Variants in TMEM196 observed in about 807,000 individuals in gnomAD.
TMEM196 encodes transmembrane protein 196.
In TMEM196, 17 loss-of-function variants were observed where a neutral mutation model predicts 20.0. The observed-to-expected ratio is 0.85, with a 90% CI of 0.58 to 1.27. The LOEUF is 1.27. Ranked by LOEUF, TMEM196 falls within the 50% of genes most tolerant of loss-of-function variation. The pLI is 0.00. For synonymous variants in TMEM196, 113 were observed against 88.9 expected (o/e 1.27, Z -1.52); for missense variants, 267 against 223.0 (o/e 1.20, Z -1.26).
intron 1 of TMEM196, among the ~76,000 whole-genome samples, chr7:19,743,273 T>C (rs1784639575): frequency 6.6e-6 from 1 of 152,200 alleles, no homozygotes; most frequent in Non-Finnish European, 1.5e-5. Flanking sequence ...CCCTAAGGAA[T>C]GAGAGAATGG....
chr7:19,759,176 C>T (rs1226502064), intron 1 of TMEM196, among the ~76,000 whole-genome samples: 1 of 152,148 alleles, frequency 6.6e-6, no homozygotes, highest in Non-Finnish European at 1.5e-5. Flanking sequence ...TCTCAATTCT[C>T]ATTATATTTT....
At chr7:19,766,255 T>C (rs1459015087) in intron 1 of TMEM196, among the ~76,000 whole-genome samples, 1 of 152,178 alleles carries the variant, frequency 6.6e-6, no homozygotes, top group Non-Finnish European at 1.5e-5. Flanking sequence ...TCTGCAGTTA[T>C]AAGGACTGCA....
In TMEM196 at chr7:19,766,516, G is replaced by GTATA. The variant is rs1427737754; in HGVS notation, c.147+6033_147+6034insTATA. Among the ~76,000 whole-genome samples the GTATA allele has an allele frequency of 2.1e-3, 324 of 150,720 alleles. 2 individuals are homozygous for GTATA. Among genetic ancestry groups the GTATA allele is most frequent in the African/African-American group, 7.8e-3 (322 of 41,090 alleles). On this transcript the variant is annotated intron_variant, in intron 1 of 4. Transcript: ENST00000405844. ...CGTGAATAGGATCTCATGTGTGTAT[G>GTATA]TGTATATATATATAAAATATATAGG...
intron 1 of TMEM196, among the ~76,000 whole-genome samples, chr7:19,758,299 T>C (rs1442324521): frequency 6.6e-6 from 1 of 152,222 alleles, no homozygotes; most frequent in Non-Finnish European, 1.5e-5. Context: ...AAAATTGGTG[T>C]AGAAAGCCAT....
At chr7:19,765,615 C>G (rs560574076) in intron 1 of TMEM196, among the ~76,000 whole-genome samples, 27 of 152,230 alleles carry the variant, frequency 1.8e-4, no homozygotes, top group African/African-American at 5.5e-4. Context: ...CATATTCACA[C>G]TATTCGATTT....
chr7:19,768,453 C>T (rs995090995), intron 1 of TMEM196, among the ~76,000 whole-genome samples: 1 of 152,056 alleles, frequency 6.6e-6, no homozygotes, highest in Non-Finnish European at 1.5e-5. Context: ...TGCTACTAAA[C>T]CTAGTCCATT....
Position 19,725,661 on chromosome 7 carries a change from G to T in TMEM196, c.312C>A (p.His104Gln), listed in dbSNP as rs776825085. The change falls in exon 3 of 5, where the codon CAC becomes CAA. Residue 104 changes from histidine to glutamine, a missense_variant. Physicochemically the swap from His to Gln is conservative, Grantham distance 24. Coordinates refer to ENST00000405844, the MANE Select transcript of TMEM196 (RefSeq NM_001363562.2). ...TGCACGCGAGAGACATGGAGGCAAG[G>T]TGCAGTGGGTATAGGGAGGAAGTTT... The part of the protein sequence containing the change: ...TKKTSSLYPL[H>Q]LASMSLACIG... The T allele has an allele frequency of 6.2e-7, 1 of 1,614,146 alleles. No individual in the cohort carries two copies. Among genetic ancestry groups the T allele is most frequent in the Non-Finnish European group, 8.5e-7 (1 of 1,179,996 alleles).
chr7:19,734,552 A>G (rs1027197208), intron 1 of TMEM196, among the ~76,000 whole-genome samples: 2 of 152,230 alleles, frequency 1.3e-5, no homozygotes, highest in African/African-American at 4.8e-5. Flanking sequence ...CAAAAGAAGC[A>G]GAAGCCTATG....
Position 19,740,828 on chromosome 7 carries a change from T to C in TMEM196, c.148-11390A>G, listed in dbSNP as rs1784559642. ...TTCAGGAACAAACTCAAAAGTTCCA[T>C]AGAGTAGTTTATAAGAATTGAGTAC... On this transcript the variant is annotated intron_variant, in intron 1 of 4. Coordinates refer to ENST00000405844, the MANE Select transcript of TMEM196 (RefSeq NM_001363562.2). Among the ~76,000 whole-genome samples the C allele has an allele frequency of 2.6e-5, 4 of 152,262 alleles. No homozygotes were observed. The South Asian group carries it at 8.3e-4, about 32-fold the overall frequency.
At chr7:19,744,494 C>T (rs1784682555) in intron 1 of TMEM196, among the ~76,000 whole-genome samples, 1 of 152,082 alleles carries the variant, frequency 6.6e-6, no homozygotes, top group South Asian at 2.1e-4. Context: ...ACAAAGGTTG[C>T]AGCAAGAAAT....
At chr7:19,767,165 A>C (rs1057108392) in intron 1 of TMEM196, among the ~76,000 whole-genome samples, 8 of 152,126 alleles carry the variant, frequency 5.3e-5, no homozygotes, top group African/African-American at 1.7e-4. Flanking sequence ...ATGTGAACAG[A>C]ATCTAGACTA....
chr7:19,733,202 T>A (rs922023891), intron 1 of TMEM196, among the ~76,000 whole-genome samples: 1 of 152,222 alleles, frequency 6.6e-6, no homozygotes, highest in Non-Finnish European at 1.5e-5. Flanking sequence ...TTGTGACGTG[T>A]TGGACGAAAT....
chr7:19,740,584 G>A (rs907204132), intron 1 of TMEM196, among the ~76,000 whole-genome samples: 9 of 152,020 alleles, frequency 5.9e-5, no homozygotes, highest in South Asian at 2.1e-4. Flanking sequence ...TGTGTTCTCC[G>A]TGGCTATTTA....
chr7:19,741,800 T>A (rs1359055935), intron 1 of TMEM196, among the ~76,000 whole-genome samples: 1 of 152,118 alleles, frequency 6.6e-6, no homozygotes, highest in Non-Finnish European at 1.5e-5. Context: ...AGACAGAAAA[T>A]GATTTGCAAA....
At chr7:19,740,584 G>C (rs907204132) in intron 1 of TMEM196, among the ~76,000 whole-genome samples, 1 of 152,020 alleles carries the variant, frequency 6.6e-6, no homozygotes, top group East Asian at 1.9e-4. Context: ...TGTGTTCTCC[G>C]TGGCTATTTA....
chr7:19,748,303 CAGAACTT>C (rs1371967754), intron 1 of TMEM196, among the ~76,000 whole-genome samples: 1 of 96,176 alleles, frequency 1.0e-5, no homozygotes, highest in Non-Finnish European at 2.0e-5. Context: ...AGTGTAATGA[CAGAACTT>C]AGAAAGAATG....
intron 1 of TMEM196, among the ~76,000 whole-genome samples, chr7:19,752,124 A>C (rs1196243693): frequency 6.6e-6 from 1 of 152,234 alleles, no homozygotes; most frequent in African/African-American, 2.4e-5. Flanking sequence ...CTAAAGAATA[A>C]CATAAGATGT....
intron 1 of TMEM196, among the ~76,000 whole-genome samples, chr7:19,761,243 T>C (rs1217564596): frequency 6.6e-6 from 1 of 152,238 alleles, no homozygotes. Flanking sequence ...CTATTTATAT[T>C]TCTTTCTTTT....
intron 1 of TMEM196, among the ~76,000 whole-genome samples, chr7:19,760,114 C>A (rs1461137625): frequency 6.6e-6 from 1 of 152,070 alleles, no homozygotes; most frequent in South Asian, 2.1e-4. Flanking sequence ...TACCTCCTCC[C>A]CCTCAGGTCA....
Sources: gnomAD v4.1 joint callset for allele counts (sites outside exome capture counted in the v4.1 genomes callset) on GRCh38, gnomAD v4.1.1 for gene constraint, MANE v1.5 for transcripts, NCBI Gene and HGNC (gene_info 2026-07-23, HGNC 2026-07-21) for gene names.